The following PLCE1 variants were observed in gnomAD, a reference collection of about 807,000 sequenced individuals.
PLCE1 encodes the protein 1-phosphatidylinositol 4,5-bisphosphate phosphodiesterase epsilon-1.
In PLCE1, 119 loss-of-function variants were observed where a neutral mutation model predicts 242.8. The observed-to-expected ratio is 0.49, with a 90% confidence interval of 0.42 to 0.57. The LOEUF (loss-of-function observed/expected upper bound fraction) is 0.57. Ranked by LOEUF, PLCE1 falls within the 20% of genes least tolerant of loss-of-function variation. The pLI, the probability that PLCE1 is intolerant of heterozygous loss-of-function variation, is 0.00. For missense variants in PLCE1, 2,441 were observed against 2,788.8 expected (o/e 0.88, Z 2.81); for synonymous variants, 945 against 1,017.4 (o/e 0.93, Z 1.35).
Position 94,072,681 on chromosome 10 carries a change from A to G in PLCE1, c.1206+40429A>G, listed in dbSNP as rs190558902. 1.0e-3 allele frequency among the ~76,000 whole-genome samples: 159 copies of G among 152,186 alleles called. 1 individual carries two copies. The highest frequency in any genetic ancestry group is 3.3e-3 in the Admixed American group (51 of 15,286). On this transcript the variant is annotated intron_variant, in intron 2 of 32. Coordinates refer to ENST00000371380, the MANE Select transcript of PLCE1 (RefSeq NM_016341.4). ...TCATTTATTTCTTTATTCTCCTACA[A>G]ATAGACCAGTTTATTTTCAAGCATC...
At position 94,246,522 on chromosome 10, in the gene PLCE1, C is replaced by T; in HGVS notation, c.2997C>T (p.Phe999=). 4 of 1,614,096 alleles carry T rather than the reference C, an allele frequency of 2.5e-6. No individual in the cohort carries two copies. Among genetic ancestry groups the T allele is most frequent in the Non-Finnish European group, 3.4e-6 (4 of 1,179,940 alleles). Residue 999 remains phenylalanine (F), a synonymous_variant, in exon 8 of 33, where the codon TTC becomes TTT. Coordinates refer to ENST00000371380, the MANE Select transcript of PLCE1 (RefSeq NM_016341.4). ...CAAAGCACACAGCTAAAATGCTCTT[C>T]AGCGGATTATTGGAACTCACTAGAG... is the stretch of plus-strand genomic sequence containing the variant. ...VAPKHTAKML[F]SGLLELTRAV... is the part of the protein sequence containing the mutation.
chr10:94,078,362 T>C (rs1451339693), intron 2 of PLCE1, among the ~76,000 whole-genome samples: 1 of 152,192 alleles, frequency 6.6e-6, no homozygotes, highest in African/African-American at 2.4e-5. Context: ...TATAACCCCC[T>C]TTTAAAGGTG....
chr10:94,183,552 T>C (rs1467595365), intron 4 of PLCE1, among the ~76,000 whole-genome samples: 1 of 152,190 alleles, frequency 6.6e-6, no homozygotes, highest in African/African-American at 2.4e-5. Flanking sequence ...ACTGAAGTGT[T>C]CAGGCCATCA....
At chr10:94,143,930 A>T (rs976657025) in intron 3 of PLCE1, among the ~76,000 whole-genome samples, 4 of 152,252 alleles carry the variant, frequency 2.6e-5, no homozygotes, top group African/African-American at 9.6e-5. Flanking sequence ...TGAATTTTAC[A>T]GTCACCAGAA....
intron 24 of PLCE1, among the ~76,000 whole-genome samples, chr10:94,301,201 G>A (rs1489061008): frequency 2.0e-5 from 3 of 151,930 alleles, no homozygotes; most frequent in South Asian, 2.1e-4. Context: ...AAAACTAGCC[G>A]GGCGTGGTAG....
intron 2 of PLCE1, chr10:94,106,192 C>G (rs1409883872): frequency 6.6e-6 from 1 of 152,142 alleles, no homozygotes. Context: ...AATTTTTCAC[C>G]CACTTCAAAA....
chr10:94,092,866 C>T (rs1265911651), intron 2 of PLCE1, among the ~76,000 whole-genome samples: 2 of 152,158 alleles, frequency 1.3e-5, no homozygotes, highest in Admixed American at 1.3e-4. Flanking sequence ...TCCAGCAGAA[C>T]CTTTGCAGAT....
At position 94,298,558 on chromosome 10, in the gene PLCE1, C is replaced by G; in HGVS notation, c.5347C>G (p.Gln1783Glu). The G allele has an allele frequency of 6.2e-7, 1 of 1,614,110 alleles. No homozygotes were observed. Among genetic ancestry groups the G allele is most frequent in the Non-Finnish European group, 8.5e-7 (1 of 1,180,004 alleles). ...SQKLTQHTAC[Q>E]LLRTYPAATR... ...GAAACTGACCCAGCACACCGCCTGT[C>G]AGCTGCTGAGAACTTACCCTGCTGC... Residue 1783 changes from glutamine to glutamate, a missense_variant, in exon 24 of 33, where the codon CAG becomes GAG. By Grantham distance (29) the Gln-to-Glu change is conservative. Around this residue, in one of 5 missense-constraint regions of PLCE1, gnomAD observed 1,004 missense variants for 1,322.7 expected, o/e 0.76. Transcript: ENST00000371380. The surrounding 1 kb of genome is among the most constrained non-coding windows in gnomAD (Gnocchi z 5.2).
intron 2 of PLCE1, among the ~76,000 whole-genome samples, chr10:94,049,645 C>T (rs1214721043): frequency 6.6e-6 from 1 of 152,008 alleles, no homozygotes; most frequent in Non-Finnish European, 1.5e-5. Flanking sequence ...AACACATCTA[C>T]AGAAAAATAT....
chr10:94,300,602 T>C (rs1037949989), intron 24 of PLCE1, among the ~76,000 whole-genome samples: 1 of 152,220 alleles, frequency 6.6e-6, no homozygotes, highest in African/African-American at 2.4e-5. Flanking sequence ...GGGTACAGCC[T>C]GATTTAATAT....
intron 22 of PLCE1, among the ~76,000 whole-genome samples, chr10:94,288,795 C>G (rs965148399): frequency 6.6e-6 from 1 of 152,182 alleles, no homozygotes; most frequent in African/African-American, 2.4e-5. Flanking sequence ...GAGAGCCTTG[C>G]AAGTGTCAGT....
At chr10:94,027,296 G>A (rs1464194276) in intron 1 of PLCE1, among the ~76,000 whole-genome samples, 2 of 152,192 alleles carry the variant, frequency 1.3e-5, no homozygotes, top group Admixed American at 6.5e-5. Flanking sequence ...TGACTTATCA[G>A]ATGGTAAGGA....
chr10:94,146,458 T>C (rs1223630), intron 3 of PLCE1, among the ~76,000 whole-genome samples: 139,929 of 152,260 alleles, frequency 0.92, 64,761 homozygotes, highest in South Asian at 0.98. Context: ...TCCCCTGAGT[T>C]AGTGCATTTG....
At chr10:94,071,462 C>T (rs984622518) in intron 2 of PLCE1, among the ~76,000 whole-genome samples, 2 of 139,686 alleles carry the variant, frequency 1.4e-5, no homozygotes, top group Non-Finnish European at 3.0e-5. Flanking sequence ...AAGTCTTCCT[C>T]GGGTTTTGTC....
chr10:94,321,842 GTCTTTCTT>G (rs748973888), intron 29 of PLCE1, 51 bp from the exon 30 acceptor site: 1 of 1,346,870 alleles, frequency 7.4e-7, no homozygotes, highest in East Asian at 2.3e-5. Flanking sequence ...TGCTAGATTT[GTCTTTCTT>G]TATTCTGCAT....
intron 1 of PLCE1, among the ~76,000 whole-genome samples, chr10:94,025,640 A>G (rs1213132691): frequency 6.6e-6 from 1 of 152,156 alleles, no homozygotes; most frequent in Non-Finnish European, 1.5e-5. Flanking sequence ...ATCATCCAAG[A>G]TAGCCCACCC....
chr10:94,181,714 A>G (rs2048317210), intron 4 of PLCE1, among the ~76,000 whole-genome samples: 1 of 152,140 alleles, frequency 6.6e-6, no homozygotes. Context: ...TTCAAGACAA[A>G]CCAGAAGTTC....
chr10:94,316,725 T>C lies in PLCE1; in HGVS notation c.6311T>C (p.Met2104Thr). 3 of 1,613,978 alleles carry C rather than the reference T, an allele frequency of 1.9e-6. No homozygotes were observed. Among genetic ancestry groups the C allele is most frequent in the Non-Finnish European group, 1.7e-6 (2 of 1,179,882 alleles). Reference sequence around the variant, plus strand: ...AGCTGGTTTCCAGAAGAGGGATACATGGGCAGGATTGTCTTAAAAACCCAG... The same window carrying C: ...AGCTGGTTTCCAGAAGAGGGATACACGGGCAGGATTGTCTTAAAAACCCAG... ...LSSWFPEEGY[M>T]GRIVLKTQQE... is the part of the protein sequence containing the mutation. The change falls in exon 29 of 33, where the codon ATG (methionine) becomes ACG (threonine). Residue 2104 changes from methionine to threonine, a missense_variant. By Grantham distance (81) the Met-to-Thr change is moderately conservative. This residue lies in a region of PLCE1 where 310 missense variants were observed against 317.2 expected (regional missense o/e 0.98). Transcript: ENST00000371380.
chr10:94,046,849 T>G (rs2061894301), intron 2 of PLCE1, among the ~76,000 whole-genome samples: 1 of 152,196 alleles, frequency 6.6e-6, no homozygotes, highest in African/African-American at 2.4e-5. Flanking sequence ...CCTCTTAGAG[T>G]TGTTGTAAAG....
Sources: allele counts gnomAD v4.1 joint callset (sites outside exome capture counted in the v4.1 genomes callset), GRCh38; gene constraint gnomAD v4.1.1; regional missense constraint gnomAD v4.1.1; non-coding constraint Gnocchi (gnomAD v3.1); transcripts MANE v1.5; gene names NCBI Gene and HGNC (gene_info 2026-07-23, HGNC 2026-07-21).